Variants in PARD3B observed in about 807,000 individuals in gnomAD.
PARD3B encodes par-3 family cell polarity regulator beta.
A neutral mutation model predicts 130.2 loss-of-function variants in PARD3B; 103 were observed. The observed-to-expected ratio is 0.79, with a 90% CI of 0.67 to 0.93. The LOEUF (loss-of-function observed/expected upper bound fraction) is 0.93. PARD3B is among the 40% of genes least tolerant of loss of function. PARD3B has a pLI of 0.00. For missense variants in PARD3B, 1,609 were observed against 1,499.2 expected (o/e 1.07, Z -1.21); for synonymous variants, 583 against 553.2 (o/e 1.05, Z -0.76).
chr2:205,109,333 T>G (rs1703457695), intron 5 of PARD3B, among the ~76,000 whole-genome samples: 1 of 152,214 alleles, frequency 6.6e-6, no homozygotes, highest in Admixed American at 6.5e-5. Context: ...GAAAATCAGC[T>G]AACACTCAGC....
In PARD3B at chr2:204,894,437, AT is replaced by A. The variant is rs144166719; in HGVS notation, c.223-70710del. On this transcript the variant is annotated intron_variant, in intron 2 of 22. Coordinates refer to ENST00000406610, the MANE Select transcript of PARD3B (RefSeq NM_001302769.2). ...CATGAAAGATATTATAGTGACAGGCATTTTTACTTTTTTTTTTTCATTTCCT... is the reference window on the plus strand; with the variant it reads ...CATGAAAGATATTATAGTGACAGGCATTTTACTTTTTTTTTTTCATTTCCT... Among the ~76,000 whole-genome samples the A allele has an allele frequency of 8.2e-3, 1,236 of 151,318 alleles. 10 individuals are homozygous for A. The highest frequency in any genetic ancestry group is 0.028 in the African/African-American group (1,140 of 40,984).
At chr2:205,118,188 CTGTT>C (rs1023487590) in intron 6 of PARD3B, among the ~76,000 whole-genome samples, 14 of 152,308 alleles carry the variant, frequency 9.2e-5, no homozygotes, top group African/African-American at 3.4e-4. Context: ...AGTTCATTGG[CTGTT>C]TGTTCAAAGC....
chr2:204,901,748 A>G (rs1053098780), intron 2 of PARD3B, among the ~76,000 whole-genome samples: 12 of 151,968 alleles, frequency 7.9e-5, no homozygotes, highest in African/African-American at 2.7e-4. Context: ...CAAGGGCCAC[A>G]GTGAGAACGG....
At chr2:205,411,014 T>A (rs757372734) in intron 19 of PARD3B, among the ~76,000 whole-genome samples, 13 of 152,166 alleles carry the variant, frequency 8.5e-5, no homozygotes, top group Non-Finnish European at 1.3e-4. Context: ...GCTTTTTACA[T>A]CAGTGGTTCT....
At position 204,677,677 on chromosome 2, in the gene PARD3B, G is replaced by A. The variant is rs182837238; in HGVS notation, c.121-8504G>A. Among the ~76,000 whole-genome samples the A allele has an allele frequency of 1.4e-4, 22 of 152,282 alleles. No homozygotes were observed. The East Asian group carries it at 4.1e-3, about 28-fold the overall frequency. ...CTCACACAGTCCTTGTATTATCATA[G>A]CCTAAGATGGTAATAATAATATTTT... is the stretch of plus-strand genomic sequence containing the variant. On this transcript the variant is annotated intron_variant, in intron 1 of 22. Coordinates refer to ENST00000406610, the MANE Select transcript of PARD3B (RefSeq NM_001302769.2). This position sits in a 1 kb window ranked among gnomAD's most constrained non-coding sequence, Gnocchi z 4.1.
chr2:204,985,962 G>A (rs948205046), intron 3 of PARD3B, among the ~76,000 whole-genome samples: 6 of 151,978 alleles, frequency 3.9e-5, no homozygotes, highest in Admixed American at 6.5e-5. Context: ...TTAGCCGGGC[G>A]TGATGGCAGG....
chr2:205,494,907 G>C (rs2049868350), intron 20 of PARD3B, among the ~76,000 whole-genome samples: 1 of 152,162 alleles, frequency 6.6e-6, no homozygotes, highest in Non-Finnish European at 1.5e-5. Flanking sequence ...ATTTGACTGA[G>C]GCTTAAATGA....
At chr2:205,218,152 A>G (rs2038051263) in intron 15 of PARD3B, among the ~76,000 whole-genome samples, 1 of 151,844 alleles carries the variant, frequency 6.6e-6, no homozygotes, top group Admixed American at 6.6e-5. Flanking sequence ...TGGCTTCTCA[A>G]AGTGCTAGGA....
chr2:204,827,337 G>T (rs2043623761), intron 2 of PARD3B, among the ~76,000 whole-genome samples: 1 of 152,056 alleles, frequency 6.6e-6, no homozygotes, highest in Non-Finnish European at 1.5e-5. Flanking sequence ...TTTATAATAG[G>T]GAAAGAAGCT....
At chr2:205,184,240 C>T (rs879651280) in intron 13 of PARD3B, among the ~76,000 whole-genome samples, 2 of 152,126 alleles carry the variant, frequency 1.3e-5, no homozygotes, top group Admixed American at 1.3e-4. Flanking sequence ...CCATCATATC[C>T]AGCACGTGGA....
At chr2:205,037,672 G>A (rs1478824962) in intron 3 of PARD3B, among the ~76,000 whole-genome samples, 1 of 124,742 alleles carries the variant, frequency 8.0e-6, no homozygotes, top group Non-Finnish European at 1.8e-5. Flanking sequence ...AATGTATATA[G>A]TGGACTATAT....
intron 19 of PARD3B, among the ~76,000 whole-genome samples, chr2:205,417,026 C>T (rs2046800392): frequency 6.6e-6 from 1 of 151,644 alleles, no homozygotes; most frequent in Non-Finnish European, 1.5e-5. Context: ...GTGTGCTGCA[C>T]CCGTTAACTC....
chr2:205,134,513 G>A (rs1449627689), intron 10 of PARD3B, among the ~76,000 whole-genome samples: 1 of 151,200 alleles, frequency 6.6e-6, no homozygotes, highest in African/African-American at 2.4e-5. Context: ...AACAGAGTGA[G>A]ACCCTGTCTC....
rs2041623156 is a variant in PARD3B at position 205,291,931 on chromosome 2, A to G, written c.2186-8599A>G. ...TGACTCTGAAGGCAATTCAGTGATC[A>G]TCAGGACAATCCTTCCTACCAACAG... On this transcript the variant is annotated intron_variant, in intron 16 of 22. Transcript: ENST00000406610. This position sits in a 1 kb window ranked among gnomAD's most constrained non-coding sequence, Gnocchi z 4.6. 6.6e-6 allele frequency among the ~76,000 whole-genome samples: 1 copy of G among 152,240 alleles called. No individual in the cohort carries two copies. The highest frequency in any genetic ancestry group is 1.5e-5 in the Non-Finnish European group (1 of 68,040).
intron 1 of PARD3B, among the ~76,000 whole-genome samples, chr2:204,573,416 G>T (rs1267250058): frequency 6.6e-6 from 1 of 152,150 alleles, no homozygotes; most frequent in South Asian, 2.1e-4. Context: ...TGGTAGTGGG[G>T]TGGAGGGGCT....
At position 205,288,701 on chromosome 2, in the gene PARD3B, C is replaced by G. The variant is rs2041489522; in HGVS notation, c.2186-11829C>G. ...CTCCATCCTCCCGGTGTCCCCACCC[C>G]CCAGGAGACGTGTTTGGACTTTTCC... On this transcript the variant is annotated intron_variant, in intron 16 of 22. Transcript: ENST00000406610. The surrounding 1 kb of genome is among the most constrained non-coding windows in gnomAD (Gnocchi z 4.0). Among the ~76,000 whole-genome samples, 1 of 152,152 alleles carries G rather than the reference C, an allele frequency of 6.6e-6. No individual in the cohort carries two copies. Among genetic ancestry groups the G allele is most frequent in the Non-Finnish European group, 1.5e-5 (1 of 68,028 alleles).
intron 2 of PARD3B, among the ~76,000 whole-genome samples, chr2:204,706,213 A>G (rs2125287817): frequency 6.6e-6 from 1 of 152,042 alleles, no homozygotes; most frequent in East Asian, 1.9e-4. Flanking sequence ...TAAAAATACA[A>G]AAAATTAGCC....
At chr2:205,548,437 T>G (rs1378514524) in intron 21 of PARD3B, among the ~76,000 whole-genome samples, 1 of 152,130 alleles carries the variant, frequency 6.6e-6, no homozygotes, top group East Asian at 1.9e-4. Flanking sequence ...TGGTGAGTAT[T>G]ACCAAAACCA....
At position 204,664,226 on chromosome 2, in the gene PARD3B, G is replaced by A. The variant is rs560702738; in HGVS notation, c.121-21955G>A. 6.6e-6 allele frequency among the ~76,000 whole-genome samples: 1 copy of A among 152,258 alleles called. No homozygotes were observed. Among genetic ancestry groups the A allele is most frequent in the Middle Eastern group, 3.4e-3 (1 of 292 alleles). Reference sequence around the variant, plus strand: ...TCAAATCTCAAAAATAGATGACAAGGCAGAAAATATTTGGGGTGATAAGAT... The same window carrying A: ...TCAAATCTCAAAAATAGATGACAAGACAGAAAATATTTGGGGTGATAAGAT... On this transcript the variant is annotated intron_variant, in intron 1 of 22. Coordinates refer to ENST00000406610, the MANE Select transcript of PARD3B (RefSeq NM_001302769.2). The surrounding 1 kb of genome is among the most constrained non-coding windows in gnomAD (Gnocchi z 5.2).
Sources: gnomAD v4.1 joint callset for allele counts (sites outside exome capture counted in the v4.1 genomes callset) on GRCh38, gnomAD v4.1.1 for gene constraint, Gnocchi (gnomAD v3.1) non-coding constraint, MANE v1.5 for transcripts, NCBI Gene and HGNC (gene_info 2026-07-23, HGNC 2026-07-21) for gene names.